The following SASH3 variants were observed in gnomAD, a reference collection of about 807,000 sequenced individuals.
SASH3 encodes the protein SAM and SH3 domain containing 3, also known as SAM and SH3 domain-containing protein 3.
SASH3 carries 7 observed loss-of-function variants against 26.1 expected under a neutral mutation model. The observed-to-expected ratio is 0.27, with a 90% CI of 0.15 to 0.50. The LOEUF (loss-of-function observed/expected upper bound fraction) is 0.50, where lower values mean the gene tolerates loss of function less well. SASH3 is among the 20% of genes least tolerant of loss of function. SASH3 has a pLI of 0.98. For missense variants in SASH3, 231 were observed against 318.3 expected (o/e 0.73, Z 2.09); for synonymous variants, 138 against 136.8 (o/e 1.01, Z -0.06).
Position 129,780,009 on chromosome X carries a change from C to A in SASH3, c.-89C>A. On this transcript the variant is annotated 5_prime_UTR_variant, in exon 1 of 8. Coordinates refer to ENST00000356892, the MANE Select transcript of SASH3 (RefSeq NM_018990.4). ...GCTGAAGGCTCGGTTCATGCCGTGC[C>A]CCCGGGCAGTTCTGGTGAGGCTAAG... 1.1e-6 allele frequency: 1 copy of A among 950,093 alleles called. No homozygotes were observed. Among genetic ancestry groups the A allele is most frequent in the Non-Finnish European group, 1.5e-6 (1 of 669,579 alleles). The allele number at this position is 950,093 out of a possible 1,213,427, so 78.3% of individuals were successfully genotyped here.
At chrX:129,783,563 C>A (rs755533166) in intron 1 of SASH3, among the ~76,000 whole-genome samples, 3 of 112,338 alleles carry the variant, frequency 2.7e-5, no homozygotes, top group Non-Finnish European at 5.6e-5. Flanking sequence ...CTGCCTAGGG[C>A]ACTTCATTTC....
In SASH3 at chrX:129,794,839, G is replaced by A. The variant is rs774773932; in HGVS notation, c.*1007G>A. 1 of 111,705 alleles carries A rather than the reference G, an allele frequency of 9.0e-6. No individual in the cohort carries two copies. Among genetic ancestry groups the A allele is most frequent in the Non-Finnish European group, 1.9e-5 (1 of 53,098 alleles). 9.2% of individuals were successfully genotyped at this position (111,705 alleles called of 1,213,427 possible). A position where few individuals can be genotyped will look rare whatever the true frequency, so the allele number is the denominator to read the frequency against. ...TGAGTCCAGAGTTGGCCACTTGTGT[G>A]GGTCCTCACAAGCAAAGAGAGCACT... On this transcript the variant is annotated 3_prime_UTR_variant, in exon 8 of 8. Coordinates refer to ENST00000356892, the MANE Select transcript of SASH3 (RefSeq NM_018990.4).
intron 3 of SASH3, among the ~76,000 whole-genome samples, chrX:129,789,450 T>A (rs1170565882): frequency 5.4e-5 from 6 of 110,526 alleles, no homozygotes. Context: ...CTGGCCAACA[T>A]GGCAAAATCC....
intron 4 of SASH3, among the ~76,000 whole-genome samples, chrX:129,791,539 C>T (rs1407685000): frequency 8.9e-6 from 1 of 112,156 alleles, no homozygotes; most frequent in African/African-American, 3.2e-5. Context: ...AAGAGTCAGC[C>T]TCTTGACCCT....
rs138532094 is a variant in SASH3, at chrX:129,794,493, C to T, written c.*661C>T. 0.019 allele frequency: 2,124 copies of T among 111,542 alleles called. 46 individuals carry two copies. The highest frequency in any genetic ancestry group is 0.064 in the African/African-American group (1,964 of 30,597). 9.2% of individuals were successfully genotyped at this position (111,542 alleles called of 1,213,427 possible). A position where few individuals can be genotyped will look rare whatever the true frequency, so the allele number is the denominator to read the frequency against. On this transcript the variant is annotated 3_prime_UTR_variant, in exon 8 of 8. Transcript: ENST00000356892. ...GGGTGATCACTGAAGGCCTTGCCTGCTCTGACATTCTGTGACATTAAATGT... is the reference window on the plus strand; with the variant it reads ...GGGTGATCACTGAAGGCCTTGCCTGTTCTGACATTCTGTGACATTAAATGT...
At chrX:129,791,557 A>C (rs982851648) in intron 4 of SASH3, among the ~76,000 whole-genome samples, 2 of 111,916 alleles carry the variant, frequency 1.8e-5, no homozygotes, top group Non-Finnish European at 3.8e-5. Context: ...CCTAGACCAT[A>C]GTTGCTGGGC....
At chrX:129,793,249 C>A in intron 7 of SASH3, 110 bp downstream of exon 7, 1 of 861,684 alleles carries the variant, frequency 1.2e-6, no homozygotes, top group Non-Finnish European at 1.7e-6. Flanking sequence ...TAGGACTGCT[C>A]TGCAGTGGAA....
chrX:129,788,137 G>GGGGCGGGC, intron 2 of SASH3, 67 bp downstream of exon 2: 1 of 354,275 alleles, frequency 2.8e-6, no homozygotes, highest in Non-Finnish European at 5.4e-6. Flanking sequence ...GGGTGGGAGG[G>GGGGCGGGC]AAGAGGGTGA....
intron 1 of SASH3, among the ~76,000 whole-genome samples, chrX:129,780,875 A>T (rs772601129): frequency 1.1e-4 from 12 of 112,123 alleles, no homozygotes; most frequent in Non-Finnish European, 2.1e-4. Context: ...GGAGGATTTT[A>T]AAGGCCAGGA....
At chrX:129,793,194 G>T (rs1927264545) in intron 7 of SASH3, 55 bp downstream of exon 7, 1 of 1,185,503 alleles carries the variant, frequency 8.4e-7, no homozygotes, top group African/African-American at 1.8e-5. Flanking sequence ...GCATTCCAGG[G>T]AGGGGAGGCT....
At position 129,793,987 on chromosome X, in the gene SASH3, C is replaced by G. The variant is rs189699014; in HGVS notation, c.*155C>G. On this transcript the variant is annotated 3_prime_UTR_variant, in exon 8 of 8. Coordinates refer to ENST00000356892, the MANE Select transcript of SASH3 (RefSeq NM_018990.4). ...GGGCCACAGAGGCCAGGCCAGGGCC[C>G]TACAGGTTCCAGGCTCAGCTGGAGT... 7 of 525,203 alleles carry G rather than the reference C, an allele frequency of 1.3e-5. No homozygotes were observed. In the Admixed American group the frequency reaches 1.6e-4, roughly 12 times the overall value. 43.3% of individuals were successfully genotyped at this position (525,203 alleles called of 1,213,427 possible).
intron 1 of SASH3, among the ~76,000 whole-genome samples, chrX:129,787,170 A>C (rs1435737290): frequency 1.8e-5 from 2 of 111,635 alleles, no homozygotes; most frequent in Non-Finnish European, 3.8e-5. Context: ...TAATAAAATA[A>C]AGCTCATATC....
rs183270850 is a variant in SASH3 at position 129,789,857 on chromosome X, T to C, written c.301-1083T>C. Among the ~76,000 whole-genome samples the C allele has an allele frequency of 3.2e-4, 36 of 111,768 alleles. No homozygotes were observed. The Middle Eastern group carries it at 0.014, about 43-fold the overall frequency. ...CTCACAAGAGCAGTTGGTCAAACTG[T>C]CAAAAATTGTGCAAGCCAGTTGTTA... On this transcript the variant is annotated intron_variant, in intron 3 of 7. Coordinates refer to ENST00000356892, the MANE Select transcript of SASH3 (RefSeq NM_018990.4).
In SASH3 at chrX:129,791,105, C is replaced by G. The variant is rs1204574174; in HGVS notation, c.442+24C>G. On this transcript the variant is annotated intron_variant, in intron 4 of 7. Transcript: ENST00000356892. ...AGGTGAGTAGGGGATGCGGGGGACACCTGCCGAATCTGGAGGAAAGGACTG... is the reference window on the plus strand; with the variant it reads ...AGGTGAGTAGGGGATGCGGGGGACAGCTGCCGAATCTGGAGGAAAGGACTG... The G allele has an allele frequency of 3.3e-6, 4 of 1,200,148 alleles. No individual in the cohort carries two copies. The East Asian group carries it at 8.9e-5, about 27-fold the overall frequency.
At chrX:129,786,311 C>G (rs909738771) in intron 1 of SASH3, among the ~76,000 whole-genome samples, 1 of 111,967 alleles carries the variant, frequency 8.9e-6, no homozygotes, top group Non-Finnish European at 1.9e-5. Context: ...CAAGACCCAT[C>G]AAGAGTACTA....
In SASH3 at chrX:129,792,491, C is replaced by T. The variant is rs747463099; in HGVS notation, c.591+15C>T. ...TGAAACTGCAGGTAAGATCAGCATC[C>T]GGGCTTCTCTGGAGCCTGGCAGGCT... is the stretch of plus-strand genomic sequence containing the variant. On this transcript the variant is annotated intron_variant, in intron 5 of 7. Transcript: ENST00000356892. 3.8e-5 allele frequency: 46 copies of T among 1,210,068 alleles called. No individual in the cohort carries two copies. The highest frequency in any genetic ancestry group is 5.2e-5 in the African/African-American group (3 of 57,308).
At chrX:129,789,173 A>AG (rs2124079361) in intron 3 of SASH3, among the ~76,000 whole-genome samples, 1 of 70,721 alleles carries the variant, frequency 1.4e-5, no homozygotes, top group East Asian at 6.0e-4. Flanking sequence ...AAGAGAAAAA[A>AG]AAAAAAAAGA....
chrX:129,783,437 G>A (rs1307861383), intron 1 of SASH3, among the ~76,000 whole-genome samples: 1 of 111,993 alleles, frequency 8.9e-6, no homozygotes, highest in Non-Finnish European at 1.9e-5. Flanking sequence ...CTACACTGGT[G>A]GGGCGGGGCA....
intron 1 of SASH3, among the ~76,000 whole-genome samples, chrX:129,780,974 T>C (rs1473322233): frequency 8.9e-6 from 1 of 112,416 alleles, no homozygotes; most frequent in Non-Finnish European, 1.9e-5. Context: ...GTGCCAGATC[T>C]AGGATTTTGT....
Sources: gnomAD v4.1 joint callset for allele counts (sites outside exome capture counted in the v4.1 genomes callset) on GRCh38, gnomAD v4.1.1 for gene constraint, MANE v1.5 for transcripts, NCBI Gene and HGNC (gene_info 2026-07-23, HGNC 2026-07-21) for gene names.